ADAMTSL3: variants seen among roughly 807,000 people sequenced by gnomAD.
ADAMTSL3 encodes ADAMTS-like protein 3.
In ADAMTSL3, 128 loss-of-function variants were observed where a neutral mutation model predicts 201.7. The ratio of observed to expected loss-of-function variants is 0.63; its 90% CI spans 0.55 to 0.73. The LOEUF is 0.73. ADAMTSL3 is among the 30% of genes least tolerant of loss of function. The pLI, the probability that ADAMTSL3 is intolerant of heterozygous loss-of-function variation, is 0.00. For synonymous variants in ADAMTSL3, 738 were observed against 748.4 expected (o/e 0.99, Z 0.23); for missense variants, 1,990 against 2,119.6 (o/e 0.94, Z 1.20).
At position 84,006,515 on chromosome 15, in the gene ADAMTSL3, C is replaced by T. The variant is rs540919920; in HGVS notation, c.3974-8027C>T. ...TAAACACTGACTAGTTTAAAGACAC[C>T]CCCGAGGTGCAAACTTTTTGCAACA... On this transcript the variant is annotated intron_variant, in intron 23 of 29. Coordinates refer to ENST00000286744, the MANE Select transcript of ADAMTSL3 (RefSeq NM_207517.3). Among the ~76,000 whole-genome samples, 3 of 152,158 alleles carry T rather than the reference C, an allele frequency of 2.0e-5. No homozygotes were observed. The South Asian group carries it at 6.2e-4, about 32-fold the overall frequency.
At chr15:83,977,662 T>A (rs1345520928) in intron 20 of ADAMTSL3, among the ~76,000 whole-genome samples, 1 of 152,192 alleles carries the variant, frequency 6.6e-6, no homozygotes, top group East Asian at 1.9e-4. Context: ...AGTTACCACA[T>A]GCCCTAAGAC....
chr15:83,912,711 T>C (rs2141958737), intron 15 of ADAMTSL3, among the ~76,000 whole-genome samples: 1 of 152,300 alleles, frequency 6.6e-6, no homozygotes, highest in Non-Finnish European at 1.5e-5. Context: ...AATACTAATT[T>C]ACTGAATAAA....
chr15:83,804,598 G>T (rs1422235889), intron 4 of ADAMTSL3, 52 bp from the exon 5 acceptor site: 49 of 958,464 alleles, frequency 5.1e-5, no homozygotes, highest in South Asian at 1.8e-4. Flanking sequence ...TTTAATGCTT[G>T]CCTCTTCTAT....
At chr15:83,952,950 T>C (rs551768660) in intron 19 of ADAMTSL3, among the ~76,000 whole-genome samples, 1 of 152,362 alleles carries the variant, frequency 6.6e-6, no homozygotes, top group East Asian at 1.9e-4. Flanking sequence ...GCACTACTGC[T>C]GTTTTTGGGG....
intron 6 of ADAMTSL3, among the ~76,000 whole-genome samples, chr15:83,833,801 T>C (rs1193677081): frequency 6.6e-6 from 1 of 152,184 alleles, no homozygotes; most frequent in African/African-American, 2.4e-5. Flanking sequence ...TGTAGTCACA[T>C]TGGCTGGTGA....
chr15:83,844,817 T>A (rs1374098907), intron 7 of ADAMTSL3, among the ~76,000 whole-genome samples: 1 of 152,196 alleles, frequency 6.6e-6, no homozygotes, highest in South Asian at 2.1e-4. Context: ...AGGAATGTCA[T>A]AGATTGTATT....
chr15:83,932,906 G>A (rs1338207318), intron 17 of ADAMTSL3, among the ~76,000 whole-genome samples: 1 of 152,156 alleles, frequency 6.6e-6, no homozygotes, highest in East Asian at 1.9e-4. Context: ...ATCAGGTACA[G>A]AATATAAACG....
At chr15:83,771,037 C>T (rs1006959362) in intron 3 of ADAMTSL3, among the ~76,000 whole-genome samples, 4 of 152,102 alleles carry the variant, frequency 2.6e-5, no homozygotes, top group African/African-American at 9.7e-5. Flanking sequence ...CATCACTGCA[C>T]TCCAGCCTGG....
intron 4 of ADAMTSL3, among the ~76,000 whole-genome samples, chr15:83,802,392 C>CA (rs2063538754): frequency 6.6e-6 from 1 of 152,012 alleles, no homozygotes; most frequent in Admixed American, 6.6e-5. Flanking sequence ...ACTTTGTTAC[C>CA]ATAAAACCTG....
At chr15:83,736,059 A>G (rs1035326483) in intron 3 of ADAMTSL3, among the ~76,000 whole-genome samples, 3 of 152,196 alleles carry the variant, frequency 2.0e-5, no homozygotes, top group Non-Finnish European at 2.9e-5. Flanking sequence ...AATTAGCAAC[A>G]TAAGTACAAA....
At chr15:83,937,724 A>G (rs2142022831) in intron 17 of ADAMTSL3, among the ~76,000 whole-genome samples, 1 of 151,216 alleles carries the variant, frequency 6.6e-6, no homozygotes, top group South Asian at 2.1e-4. Flanking sequence ...AGAAATACTA[A>G]TTTATGTATT....
chr15:83,971,571 A>G (rs1459505820), intron 20 of ADAMTSL3, among the ~76,000 whole-genome samples: 1 of 147,444 alleles, frequency 6.8e-6, no homozygotes, highest in Non-Finnish European at 1.5e-5. Context: ...AAAAAAAAAA[A>G]AAAAAAGAAA....
chr15:83,845,135 T>A (rs2064469318), intron 7 of ADAMTSL3, among the ~76,000 whole-genome samples: 1 of 152,240 alleles, frequency 6.6e-6, no homozygotes, highest in Non-Finnish European at 1.5e-5. Flanking sequence ...AGCACAAGTG[T>A]CGCCTCCTCA....
At chr15:83,761,765 C>T (rs1349451168) in intron 3 of ADAMTSL3, among the ~76,000 whole-genome samples, 1 of 152,054 alleles carries the variant, frequency 6.6e-6, no homozygotes, top group Non-Finnish European at 1.5e-5. Context: ...TTATTTTTAA[C>T]AAAAATAAAG....
At chr15:83,909,625 C>CT (rs2065897890) in intron 15 of ADAMTSL3, among the ~76,000 whole-genome samples, 4 of 151,178 alleles carry the variant, frequency 2.6e-5, no homozygotes, top group Non-Finnish European at 4.4e-5. Flanking sequence ...TTTTTTCTTT[C>CT]TTTTTTTGAG....
At chr15:84,006,991 T>G (rs2067906863) in intron 23 of ADAMTSL3, among the ~76,000 whole-genome samples, 1 of 152,166 alleles carries the variant, frequency 6.6e-6, no homozygotes, top group South Asian at 2.1e-4. Context: ...TAGGTAGATG[T>G]GGGAGTTTTC....
chr15:83,827,610 G>A (rs1288500928), intron 6 of ADAMTSL3, among the ~76,000 whole-genome samples: 1 of 152,176 alleles, frequency 6.6e-6, no homozygotes, highest in African/African-American at 2.4e-5. Context: ...GAATGGTATT[G>A]CCTAGGTTTT....
chr15:83,864,437 T>C (rs997938700), intron 8 of ADAMTSL3, among the ~76,000 whole-genome samples: 1 of 152,244 alleles, frequency 6.6e-6, no homozygotes, highest in African/African-American at 2.4e-5. Context: ...GCTTCATCCC[T>C]GTGATGCAAG....
intron 17 of ADAMTSL3, among the ~76,000 whole-genome samples, chr15:83,935,011 T>C (rs1437004340): frequency 1.3e-5 from 2 of 152,072 alleles, no homozygotes; most frequent in Non-Finnish European, 2.9e-5. Flanking sequence ...CCCATGAACA[T>C]AGAGTGTGGA....
Sources: allele counts gnomAD v4.1 joint callset (sites outside exome capture counted in the v4.1 genomes callset), GRCh38; gene constraint gnomAD v4.1.1; transcripts MANE v1.5; gene names NCBI Gene and HGNC (gene_info 2026-07-23, HGNC 2026-07-21).